Variants in PTPRR observed in about 807,000 individuals in gnomAD.
PTPRR encodes the protein protein tyrosine phosphatase receptor type R.
PTPRR carries 38 observed loss-of-function variants against 77.2 expected under a neutral mutation model. That is an observed-to-expected ratio of 0.49 (90% CI 0.38 to 0.65). PTPRR has a LOEUF of 0.65. PTPRR is among the 30% of genes least tolerant of loss of function. PTPRR has a pLI of 0.00. For missense variants in PTPRR, 744 were observed against 799.2 expected (o/e 0.93, Z 0.83); for synonymous variants, 299 against 283.1 (o/e 1.06, Z -0.57).
intron 4 of PTPRR, among the ~76,000 whole-genome samples, chr12:70,759,833 T>C (rs1423897968): frequency 6.6e-6 from 1 of 152,036 alleles, no homozygotes; most frequent in African/African-American, 2.4e-5. Context: ...TGTTCAACAA[T>C]TATAAAGCCC....
At chr12:70,738,815 ATT>A (rs1190718968) in intron 6 of PTPRR, among the ~76,000 whole-genome samples, 1 of 152,198 alleles carries the variant, frequency 6.6e-6, no homozygotes, top group African/African-American at 2.4e-5. Flanking sequence ...GCCATGTGAC[ATT>A]TGTCATGTAG....
chr12:70,690,602 C>T (rs1263563084), intron 8 of PTPRR, among the ~76,000 whole-genome samples: 2 of 152,142 alleles, frequency 1.3e-5, no homozygotes, highest in Non-Finnish European at 2.9e-5. Flanking sequence ...GCACTGATTT[C>T]CTTTCTTCTG....
intron 6 of PTPRR, among the ~76,000 whole-genome samples, chr12:70,735,516 G>C (rs1186043933): frequency 6.6e-6 from 1 of 152,136 alleles, no homozygotes. Context: ...ACCTCCCACT[G>C]GGTCCCTCCC....
At chr12:70,871,645 G>A (rs1350747624) in intron 2 of PTPRR, among the ~76,000 whole-genome samples, 1 of 152,154 alleles carries the variant, frequency 6.6e-6, no homozygotes, top group African/African-American at 2.4e-5. Flanking sequence ...CAGTACTTGA[G>A]TATGGTAAAC....
chr12:70,858,291 C>T (rs1178891992), intron 2 of PTPRR, among the ~76,000 whole-genome samples: 1 of 152,116 alleles, frequency 6.6e-6, no homozygotes, highest in Admixed American at 6.6e-5. Flanking sequence ...TCAAGAATTT[C>T]CTCCAATAAA....
chr12:70,733,446 G>GAAAA (rs1889742097), intron 6 of PTPRR, among the ~76,000 whole-genome samples: 1 of 74,860 alleles, frequency 1.3e-5, no homozygotes. Flanking sequence ...AAAAAAAAAA[G>GAAAA]AAAGAAAAAA....
At chr12:70,643,375 A>G (rs1592627657) in intron 13 of PTPRR, among the ~76,000 whole-genome samples, 1 of 151,882 alleles carries the variant, frequency 6.6e-6, no homozygotes, top group Admixed American at 6.6e-5. Flanking sequence ...GGGTTTTGCC[A>G]TGTTGCCCAA....
At chr12:70,720,640 T>C (rs1300247009) in intron 6 of PTPRR, among the ~76,000 whole-genome samples, 1 of 151,342 alleles carries the variant, frequency 6.6e-6, no homozygotes, top group Non-Finnish European at 1.5e-5. Context: ...GTCTCCAGAG[T>C]AGCTGGCTAA....
intron 10 of PTPRR, among the ~76,000 whole-genome samples, chr12:70,671,129 A>G (rs1354824777): frequency 1.3e-5 from 2 of 152,178 alleles, no homozygotes; most frequent in African/African-American, 2.4e-5. Flanking sequence ...GACGCTTAAC[A>G]CAATTGAAAG....
intron 13 of PTPRR, among the ~76,000 whole-genome samples, chr12:70,647,756 T>A (rs1344330936): frequency 6.6e-6 from 1 of 152,222 alleles, no homozygotes; most frequent in Non-Finnish European, 1.5e-5. Flanking sequence ...ATGGATCTTT[T>A]TTTCAACTAT....
intron 8 of PTPRR, among the ~76,000 whole-genome samples, chr12:70,692,212 G>T: frequency 1.3e-5 from 2 of 151,908 alleles, no homozygotes; most frequent in Non-Finnish European, 2.9e-5. Flanking sequence ...TTGTCCGTTG[G>T]ACTCAATTTT....
chr12:70,811,690 A>G (rs1313500239), intron 2 of PTPRR, among the ~76,000 whole-genome samples: 6 of 152,200 alleles, frequency 3.9e-5, no homozygotes, highest in Non-Finnish European at 8.8e-5. Context: ...TTTTGCATGT[A>G]CTAGTTCATT....
intron 2 of PTPRR, among the ~76,000 whole-genome samples, chr12:70,820,129 T>C (rs1241298932): frequency 6.6e-6 from 1 of 152,230 alleles, no homozygotes; most frequent in Non-Finnish European, 1.5e-5. Context: ...AGTTTATTTA[T>C]GCATACATCA....
intron 2 of PTPRR, among the ~76,000 whole-genome samples, chr12:70,794,784 A>G (rs1418968279): frequency 6.6e-6 from 1 of 152,176 alleles, no homozygotes; most frequent in Non-Finnish European, 1.5e-5. Flanking sequence ...CAATCCTGGA[A>G]ACCTTGACAT....
chr12:70,670,726 A>G (rs1320622447), intron 10 of PTPRR, among the ~76,000 whole-genome samples: 2 of 152,202 alleles, frequency 1.3e-5, no homozygotes, highest in Non-Finnish European at 2.9e-5. Context: ...TTGCTCTTGC[A>G]GTTCCAGCTT....
At chr12:70,745,547 A>G (rs1890186192) in intron 6 of PTPRR, among the ~76,000 whole-genome samples, 1 of 152,198 alleles carries the variant, frequency 6.6e-6, no homozygotes, top group Admixed American at 6.5e-5. Context: ...TCAATAAGCT[A>G]GAAATTGTCT....
At chr12:70,920,189 C>T in intron 1 of PTPRR, 144 bp downstream of exon 1, 1 of 812,594 alleles carries the variant, frequency 1.2e-6, no homozygotes, top group Non-Finnish European at 1.9e-6. Flanking sequence ...GCACGACTCC[C>T]TCACCCCTTC....
intron 2 of PTPRR, among the ~76,000 whole-genome samples, chr12:70,812,903 A>G (rs895501254): frequency 1.4e-4 from 21 of 152,206 alleles, no homozygotes; most frequent in African/African-American, 4.8e-4. Flanking sequence ...GAGCCATAAA[A>G]TCAGCCCCCA....
At chr12:70,803,303 C>T (rs1273940454) in intron 2 of PTPRR, among the ~76,000 whole-genome samples, 1 of 152,102 alleles carries the variant, frequency 6.6e-6, no homozygotes, top group Admixed American at 6.6e-5. Context: ...GGGGCCAGTT[C>T]TGAGTATAGG....
Sources: gnomAD v4.1 joint callset for allele counts (sites outside exome capture counted in the v4.1 genomes callset) on GRCh38, gnomAD v4.1.1 for gene constraint, MANE v1.5 for transcripts, NCBI Gene and HGNC (gene_info 2026-07-23, HGNC 2026-07-21) for gene names.